The following CSTF3 variants were observed in gnomAD, a reference collection of about 807,000 sequenced individuals.
The protein encoded by CSTF3 is CF-1 77 kDa subunit.
CSTF3 carries 29 observed loss-of-function variants against 105.8 expected under a neutral mutation model. The ratio of observed to expected loss-of-function variants is 0.27; its 90% CI spans 0.20 to 0.37. The LOEUF (loss-of-function observed/expected upper bound fraction) is 0.37. Ranked by LOEUF, CSTF3 falls within the 10% of genes least tolerant of loss-of-function variation. The pLI, the probability that CSTF3 is intolerant of heterozygous loss-of-function variation, is 1.00. For synonymous variants in CSTF3, 252 were observed against 281.9 expected, an observed-to-expected ratio of 0.89 and a Z score of 1.06; for missense variants, 357 against 879.3, an observed-to-expected ratio of 0.41 and a Z score of 7.51.
chr11:33,129,534 G>T (rs570172096), intron 3 of CSTF3, among the ~76,000 whole-genome samples: 3 of 152,054 alleles, frequency 2.0e-5, no homozygotes, highest in African/African-American at 7.2e-5. Context: ...AAAAAAAGGT[G>T]TTAATACTTT....
Position 33,085,225 on chromosome 11 carries a change from G to A in CSTF3, c.2016C>T (p.Gly672=). 1 of 1,602,664 alleles carries A rather than the reference G, an allele frequency of 6.2e-7. No individual in the cohort carries two copies. Among genetic ancestry groups the A allele is most frequent in the Non-Finnish European group, 8.5e-7 (1 of 1,174,290 alleles). Residue 672 remains glycine, a synonymous_variant, in exon 21 of 21, where the codon GGC becomes GGT. Coordinates refer to ENST00000323959, the MANE Select transcript of CSTF3 (RefSeq NM_001326.3). Reference sequence around the variant, plus strand: ...TGAGTACTGCATTACTTTCCACGGGGCCGTTGCCTTCTACAGCTAGCTCTG... The same window carrying A: ...TGAGTACTGCATTACTTTCCACGGGACCGTTGCCTTCTACAGCTAGCTCTG... ...GAPELAVEGN[G]PVESNAVLTK...
At chr11:33,088,623 A>AT (rs1855132662) in intron 17 of CSTF3, among the ~76,000 whole-genome samples, 1 of 146,894 alleles carries the variant, frequency 6.8e-6, no homozygotes, top group Non-Finnish European at 1.5e-5. Flanking sequence ...TTTTTATTTT[A>AT]TTTTTTTAAG....
chr11:33,129,339 G>A (rs532726147), intron 3 of CSTF3, among the ~76,000 whole-genome samples: 20 of 151,460 alleles, frequency 1.3e-4, no homozygotes, highest in African/African-American at 4.4e-4. Context: ...TGATCTGCCC[G>A]CCTCAGCCTC....
intron 3 of CSTF3, among the ~76,000 whole-genome samples, chr11:33,131,819 T>G (rs1272799014): frequency 6.6e-6 from 1 of 152,208 alleles, no homozygotes; most frequent in Admixed American, 6.5e-5. Context: ...GGCACTGCAC[T>G]CTAGCCTGGG....
At chr11:33,135,454 G>A (rs1484518684) in intron 3 of CSTF3, among the ~76,000 whole-genome samples, 3 of 152,118 alleles carry the variant, frequency 2.0e-5, no homozygotes, top group African/African-American at 4.8e-5. Context: ...CATACCATAT[G>A]TCCATCCTCT....
At chr11:33,112,577 T>C (rs930561037) in intron 3 of CSTF3, among the ~76,000 whole-genome samples, 5 of 152,226 alleles carry the variant, frequency 3.3e-5, no homozygotes, top group Admixed American at 2.6e-4. Context: ...GTTACTATAA[T>C]TGGCCCATTT....
intron 18 of CSTF3, 79 bp downstream of exon 18, chr11:33,086,909 G>T: frequency 1.3e-6 from 2 of 1,516,972 alleles, no homozygotes; most frequent in Non-Finnish European, 1.8e-6. Flanking sequence ...GAGAGGCCAT[G>T]TCACTTTACC....
chr11:33,125,155 T>C (rs958454823), intron 3 of CSTF3, among the ~76,000 whole-genome samples: 1 of 152,196 alleles, frequency 6.6e-6, no homozygotes, highest in Non-Finnish European at 1.5e-5. Flanking sequence ...TTTCACACTA[T>C]CAATTTGTGT....
chr11:33,129,177 C>T (rs778022957), intron 3 of CSTF3, among the ~76,000 whole-genome samples: 8 of 152,158 alleles, frequency 5.3e-5, no homozygotes, highest in Non-Finnish European at 1.2e-4. Flanking sequence ...CTGCAACCTC[C>T]GCCTCCAGGG....
chr11:33,130,235 G>A (rs574861849), intron 3 of CSTF3, among the ~76,000 whole-genome samples: 1 of 152,272 alleles, frequency 6.6e-6, no homozygotes, highest in East Asian at 1.9e-4. Context: ...CATTTTCGGA[G>A]GCCTAGGCGG....
At chr11:33,146,771 T>A in intron 1 of CSTF3, among the ~76,000 whole-genome samples, 1 of 152,106 alleles carries the variant, frequency 6.6e-6, no homozygotes, top group East Asian at 1.9e-4. Context: ...AAATATTCAC[T>A]CAGTGCCTAG....
chr11:33,156,546 G>A (rs1211417373), intron 1 of CSTF3, among the ~76,000 whole-genome samples: 1 of 152,126 alleles, frequency 6.6e-6, no homozygotes, highest in Admixed American at 6.5e-5. Flanking sequence ...GTATTTATGA[G>A]CCTAAATGCT....
At chr11:33,144,922 A>G in intron 1 of CSTF3, 1 of 220,714 alleles carries the variant, frequency 4.5e-6, no homozygotes, top group South Asian at 4.8e-5. Context: ...GTTGCAGGGA[A>G]CTGAGATTGC....
chr11:33,142,415 A>G lies in CSTF3; in HGVS notation c.28-429T>C, dbSNP rs921714088. On this transcript the variant is annotated intron_variant, in intron 1 of 20. Transcript: ENST00000323959. ...TTTTATATAAGAGACACGAGCACAC[A>G]TGGACTCTGGTATCTAAGGGGGTGT... 7.2e-5 allele frequency among the ~76,000 whole-genome samples: 11 copies of G among 152,196 alleles called. 1 individual carries two copies. The highest frequency in any genetic ancestry group is 7.3e-5 in the Non-Finnish European group (5 of 68,040).
chr11:33,117,235 A>C (rs1394735829), intron 3 of CSTF3, among the ~76,000 whole-genome samples: 1 of 152,048 alleles, frequency 6.6e-6, no homozygotes, highest in Non-Finnish European at 1.5e-5. Flanking sequence ...AACAAAAAGG[A>C]AGAGAACCCC....
chr11:33,085,356 T>C, intron 20 of CSTF3, 67 bp from the exon 21 acceptor site: 2 of 1,248,984 alleles, frequency 1.6e-6, no homozygotes, highest in South Asian at 3.1e-5. Flanking sequence ...TGTTCAACTG[T>C]GGATACTTTA....
At chr11:33,112,052 G>A (rs1402572123) in intron 3 of CSTF3, among the ~76,000 whole-genome samples, 2 of 152,196 alleles carry the variant, frequency 1.3e-5, no homozygotes, top group East Asian at 1.9e-4. Context: ...TCAGGAATTC[G>A]AGACCAGCCT....
chr11:33,108,001 C>T lies in CSTF3; in HGVS notation c.259-1G>A. 6.4e-7 allele frequency: 1 copy of T among 1,559,724 alleles called. No individual in the cohort carries two copies. The highest frequency in any genetic ancestry group is 8.8e-7 in the Non-Finnish European group (1 of 1,138,778). On this transcript the variant is annotated splice_acceptor_variant, in intron 4 of 20. Coordinates refer to ENST00000323959, the MANE Select transcript of CSTF3 (RefSeq NM_001326.3). LOFTEE classifies it high-confidence loss of function. ...CCTTCATAAGGCATCTCTGAAATAG[C>T]TTTAAATACAAGAATATATTATCAG...
In CSTF3 at chr11:33,099,819, T is replaced by A. The variant is rs1049467584; in HGVS notation, c.827-102A>T. ...CCAAATTAGGCTCCTCAAAAATTAATGATAATTAGAAATAAAAAGCTTTAG... is the reference window on the plus strand; with the variant it reads ...CCAAATTAGGCTCCTCAAAAATTAAAGATAATTAGAAATAAAAAGCTTTAG... On this transcript the variant is annotated intron_variant, in intron 10 of 20. Transcript: ENST00000323959. This position sits in a 1 kb window ranked among gnomAD's most constrained non-coding sequence, Gnocchi z 4.1. 2 of 649,988 alleles carry A rather than the reference T, an allele frequency of 3.1e-6. No homozygotes were observed. The highest frequency in any genetic ancestry group is 4.9e-6 in the Non-Finnish European group (2 of 408,074). The allele number at this position is 649,988 out of a possible 1,614,324, so 40.3% of individuals were successfully genotyped here.
Sources: gnomAD v4.1 joint callset for allele counts (sites outside exome capture counted in the v4.1 genomes callset) on GRCh38, gnomAD v4.1.1 for gene constraint, Gnocchi (gnomAD v3.1) non-coding constraint, MANE v1.5 for transcripts, NCBI Gene and HGNC (gene_info 2026-07-23, HGNC 2026-07-21) for gene names.